CHGB: variants seen among roughly 807,000 people sequenced by gnomAD.
CHGB encodes the protein secretogranin-1.
A neutral mutation model predicts 69.9 loss-of-function variants in CHGB; 46 were observed. The observed-to-expected ratio is 0.66, with a 90% CI of 0.52 to 0.84. The LOEUF (loss-of-function observed/expected upper bound fraction) is 0.84, where lower values mean the gene tolerates loss of function less well. Among genes scored for constraint, CHGB ranks in the 40% least tolerant of loss-of-function variants. CHGB has a pLI of 0.00. For synonymous variants in CHGB, 312 were observed against 298.2 expected (o/e 1.05, Z -0.48); for missense variants, 796 against 822.2 (o/e 0.97, Z 0.39).
intron 1 of CHGB, among the ~76,000 whole-genome samples, chr20:5,914,394 C>G (rs978938346): frequency 5.3e-5 from 8 of 152,032 alleles, no homozygotes; most frequent in African/African-American, 1.9e-4. Flanking sequence ...AAATACAAAC[C>G]TAAGCTACAA....
rs771393741 is a variant in CHGB at position 5,923,460 on chromosome 20, G to T, written c.1316G>T (p.Arg439Met). The part of the protein sequence containing the change: ...YFMSDTREEK[R>M]FLGEGHHRVQ... ...ATGTCTGACACCAGAGAAGAGAAAA[G>T]GTTCTTGGGTGAAGGACACCACCGT... Residue 439 changes from arginine to methionine, a missense_variant, in exon 4 of 5, where the codon AGG becomes ATG. Around this residue, in one of 3 missense-constraint regions of CHGB, gnomAD observed 274 missense variants for 298.9 expected, o/e 0.92. Transcript: ENST00000378961. 9.3e-6 allele frequency: 15 copies of T among 1,613,912 alleles called. No individual in the cohort carries two copies. Among genetic ancestry groups the T allele is most frequent in the African/African-American group, 2.7e-5 (2 of 74,870 alleles).
chr20:5,921,387 A>T (rs1425806218), intron 3 of CHGB, among the ~76,000 whole-genome samples: 2 of 152,192 alleles, frequency 1.3e-5, no homozygotes, highest in Admixed American at 6.5e-5. Context: ...CAGGCATTTT[A>T]TCTGAACTCT....
chr20:5,923,203 C>A lies in CHGB; in HGVS notation c.1059C>A (p.Ala353=). The A allele has an allele frequency of 6.2e-7, 1 of 1,613,748 alleles. No homozygotes were observed. Among genetic ancestry groups the A allele is most frequent in the East Asian group, 2.2e-5 (1 of 44,852 alleles). The change falls in exon 4 of 5, where the codon GCC becomes GCA. Residue 353 remains alanine, a synonymous_variant. Transcript: ENST00000378961. ...EEIKGYPGVQ[A]PEDLEWERYR... ...TAAAGGGTTATCCAGGCGTCCAGGC[C>A]CCTGAGGACCTGGAGTGGGAGCGCT...
chr20:5,913,454 A>C (rs1275000264), intron 1 of CHGB, among the ~76,000 whole-genome samples: 1 of 152,162 alleles, frequency 6.6e-6, no homozygotes, highest in Non-Finnish European at 1.5e-5. Context: ...GGGAAGCCTC[A>C]AGAAACCATC....
Position 5,923,593 on chromosome 20 carries a change from G to A in CHGB, c.1449G>A (p.Trp483Ter), listed in dbSNP as rs2088531013. The A allele has an allele frequency of 6.2e-7, 1 of 1,614,162 alleles. No homozygotes were observed. Among genetic ancestry groups the A allele is most frequent in the African/African-American group, 1.3e-5 (1 of 75,050 alleles). ...NYGEEGAPGK[W>*]QQQGDLQDTK... ...GTGAGGAAGGAGCCCCAGGGAAGTG[G>A]CAGCAGCAGGGAGACCTGCAGGACA... The change falls in exon 4 of 5, where the codon TGG (tryptophan) becomes TGA (stop). Residue 483 changes from tryptophan to a stop codon, truncating the protein, a stop_gained. Coordinates refer to ENST00000378961, the MANE Select transcript of CHGB (RefSeq NM_001819.3). LOFTEE classifies it high-confidence loss of function.
chr20:5,911,704 GT>G, intron 1 of CHGB, 22 bp downstream of exon 1: 2 of 1,425,310 alleles, frequency 1.4e-6, no homozygotes, highest in Non-Finnish European at 1.8e-6. Flanking sequence ...CGGCGGGCCG[GT>G]CAGCACCGCG....
chr20:5,922,261 G>A, intron 3 of CHGB, 74 bp from the exon 4 acceptor site: 4 of 1,472,088 alleles, frequency 2.7e-6, no homozygotes, highest in African/African-American at 1.4e-5. Flanking sequence ...AGGATTTGTA[G>A]TGATTACTGA....
chr20:5,923,125 C>A lies in CHGB; in HGVS notation c.981C>A (p.His327Gln). 6.2e-7 allele frequency: 1 copy of A among 1,614,114 alleles called. No individual in the cohort carries two copies. Among genetic ancestry groups the A allele is most frequent in the Non-Finnish European group, 8.5e-7 (1 of 1,180,016 alleles). Residue 327 changes from histidine (H) to glutamine (Q), a missense_variant, in exon 4 of 5, where the codon CAC becomes CAA. By Grantham distance (24) the His-to-Gln change is conservative. Coordinates refer to ENST00000378961, the MANE Select transcript of CHGB (RefSeq NM_001819.3). Reference protein sequence around the residue: ...SMASLGEKRDHHSTHYRASEE... With the variant: ...SMASLGEKRDQHSTHYRASEE... The stretch of plus-strand genomic sequence containing the variant: ...CCAGTTTAGGGGAAAAGAGGGACCA[C>A]CATTCAACCCACTACAGGGCTTCAG...
intron 1 of CHGB, chr20:5,914,787 T>G (rs1408717981): frequency 6.6e-6 from 1 of 152,216 alleles, no homozygotes. Context: ...CAGGAGGAAC[T>G]TGGGGTCTTC....
chr20:5,915,056 C>G (rs916050312), intron 1 of CHGB, among the ~76,000 whole-genome samples: 15 of 152,298 alleles, frequency 9.8e-5, no homozygotes, highest in Non-Finnish European at 7.4e-5. Flanking sequence ...ACTCTCTTCT[C>G]AGGGACTTAG....
chr20:5,916,181 A>G, intron 1 of CHGB, 145 bp from the exon 2 acceptor site: 2 of 650,304 alleles, frequency 3.1e-6, no homozygotes, highest in South Asian at 3.9e-5. Flanking sequence ...TTTATACCGG[A>G]TCTAAAATAG....
Position 5,923,366 on chromosome 20 carries a change from G to C in CHGB, c.1222G>C (p.Glu408Gln). The change falls in exon 4 of 5, where the codon GAG becomes CAG. Residue 408 changes from glutamate (E) to glutamine (Q), a missense_variant. By Grantham distance (29) the Glu-to-Gln change is conservative. Around this residue, in one of 3 missense-constraint regions of CHGB, gnomAD observed 518 missense variants for 506.3 expected, o/e 1.02. Coordinates refer to ENST00000378961, the MANE Select transcript of CHGB (RefSeq NM_001819.3). Reference protein sequence around the residue: ...AHGYGEESEEERGLEPGKGRH... With the variant: ...AHGYGEESEEQRGLEPGKGRH... The stretch of plus-strand genomic sequence containing the variant: ...TGGATATGGTGAAGAAAGTGAGGAA[G>C]AGAGGGGCCTTGAGCCGGGAAAGGG... 2 of 1,613,900 alleles carry C rather than the reference G, an allele frequency of 1.2e-6. No homozygotes were observed. The highest frequency in any genetic ancestry group is 1.7e-6 in the Non-Finnish European group (2 of 1,180,030).
chr20:5,911,537 G>C lies in CHGB; in HGVS notation c.-97G>C, dbSNP rs1351682192. On this transcript the variant is annotated 5_prime_UTR_variant, in exon 1 of 5. Transcript: ENST00000378961. ...ACCGCGGGGACCAGGAGGCACGCTG[G>C]TTTTCCGGGGCCGCTCCATCGCGCC... 1 of 1,349,580 alleles carries C rather than the reference G, an allele frequency of 7.4e-7. No homozygotes were observed. Among genetic ancestry groups the C allele is most frequent in the Non-Finnish European group, 1.0e-6 (1 of 993,362 alleles). The allele number at this position is 1,349,580 out of a possible 1,614,324, so 83.6% of individuals were successfully genotyped here.
chr20:5,914,827 T>C (rs1229285125), intron 1 of CHGB: 1 of 152,200 alleles, frequency 6.6e-6, no homozygotes, highest in Non-Finnish European at 1.5e-5. Flanking sequence ...CTTGAAACAG[T>C]TGAAGTGATC....
intron 3 of CHGB, among the ~76,000 whole-genome samples, chr20:5,919,323 C>G (rs767161161): frequency 4.6e-5 from 7 of 152,298 alleles, no homozygotes; most frequent in Non-Finnish European, 4.4e-5. Flanking sequence ...TCAAATGTAT[C>G]TAAGGATCCT....
intron 3 of CHGB, among the ~76,000 whole-genome samples, chr20:5,921,488 G>C (rs1274704601): frequency 6.6e-6 from 1 of 152,224 alleles, no homozygotes; most frequent in Non-Finnish European, 1.5e-5. Context: ...TTGAGTTAAG[G>C]AGGACTTAGT....
chr20:5,919,121 T>C (rs1436071116), intron 3 of CHGB, among the ~76,000 whole-genome samples: 1 of 152,152 alleles, frequency 6.6e-6, no homozygotes, highest in Non-Finnish European at 1.5e-5. Flanking sequence ...ACTAGACCAA[T>C]GCAAAAGTGA....
At position 5,925,101 on chromosome 20, in the gene CHGB, T is replaced by C; in HGVS notation, c.*52T>C. ...AAGAAGCAGCCATCACATGATCTGTTTTTCACCACTTCACTGAAAGACACC... is the reference window on the plus strand; with the variant it reads ...AAGAAGCAGCCATCACATGATCTGTCTTTCACCACTTCACTGAAAGACACC... On this transcript the variant is annotated 3_prime_UTR_variant, in exon 5 of 5. Coordinates refer to ENST00000378961, the MANE Select transcript of CHGB (RefSeq NM_001819.3). The C allele has an allele frequency of 8.3e-7, 1 of 1,201,054 alleles. No individual in the cohort carries two copies. The highest frequency in any genetic ancestry group is 1.2e-6 in the Non-Finnish European group (1 of 823,824). The allele number at this position is 1,201,054 out of a possible 1,614,324, so 74.4% of individuals were successfully genotyped here.
rs775106423 is a variant in CHGB at position 5,916,305 on chromosome 20, C to T, written c.50-21C>T. ...TCAAAAACCAACTCAAGTCATTTTC[C>T]ATTCTTTTTCTCCTTCAAAGCTGTC... On this transcript the variant is annotated intron_variant, in intron 1 of 4. Transcript: ENST00000378961. 3 of 1,609,918 alleles carry T rather than the reference C, an allele frequency of 1.9e-6. No homozygotes were observed. In the African/African-American group the frequency reaches 4.0e-5, roughly 22 times the overall value.
Sources: allele counts gnomAD v4.1 joint callset (sites outside exome capture counted in the v4.1 genomes callset), GRCh38; gene constraint gnomAD v4.1.1; regional missense constraint gnomAD v4.1.1; transcripts MANE v1.5; gene names NCBI Gene and HGNC (gene_info 2026-07-23, HGNC 2026-07-21).